NBAS: variants seen among roughly 807,000 people sequenced by gnomAD.
The protein encoded by NBAS is NBAS subunit of NRZ tethering complex.
NBAS carries 219 observed loss-of-function variants against 302.5 expected under a neutral mutation model. That is an observed-to-expected ratio of 0.72 (90% CI 0.65 to 0.81). NBAS has a LOEUF of 0.81. NBAS is among the 30% of genes least tolerant of loss of function. The pLI is 0.00. For missense variants in NBAS, 2,932 were observed against 2,841.6 expected (o/e 1.03, Z -0.72); for synonymous variants, 1,118 against 1,021.6 (o/e 1.09, Z -1.80).
At chr2:15,245,355 G>A (rs1668045451) in intron 44 of NBAS, among the ~76,000 whole-genome samples, 1 of 152,032 alleles carries the variant, frequency 6.6e-6, no homozygotes, top group African/African-American at 2.4e-5. Flanking sequence ...TACTTGGAAT[G>A]TTCTCCCAGG....
At chr2:15,317,175 A>ATTTCCTT (rs1671554140) in intron 38 of NBAS, among the ~76,000 whole-genome samples, 1 of 152,246 alleles carries the variant, frequency 6.6e-6, no homozygotes, top group African/African-American at 2.4e-5. Flanking sequence ...TAGAAGGAAA[A>ATTTCCTT]CTAACAAACA....
chr2:15,078,357 G>A, the NBAS span, among the ~76,000 whole-genome samples: 1 of 150,820 alleles, frequency 6.6e-6, no homozygotes, highest in African/African-American at 2.5e-5. Flanking sequence ...CACAACAGAG[G>A]TCTCCCTAGT....
At chr2:14,991,640 C>T in the NBAS span, among the ~76,000 whole-genome samples, 5 of 152,162 alleles carry the variant, frequency 3.3e-5, no homozygotes, top group African/African-American at 1.2e-4. Flanking sequence ...ACGCAGGGAG[C>T]CTTTTAAAAC....
At chr2:15,345,574 T>C (rs552782751) in intron 35 of NBAS, among the ~76,000 whole-genome samples, 2 of 152,282 alleles carry the variant, frequency 1.3e-5, no homozygotes, top group African/African-American at 2.4e-5. Context: ...AAAGTGGCCA[T>C]AGTGCCCAAA....
At chr2:14,783,872 T>C in the NBAS span, among the ~76,000 whole-genome samples, 1 of 150,424 alleles carries the variant, frequency 6.6e-6, no homozygotes, top group Non-Finnish European at 1.5e-5. Flanking sequence ...TATTTCTAGT[T>C]CTAGATCCCT....
At chr2:15,094,215 G>T in the NBAS span, among the ~76,000 whole-genome samples, 1 of 152,280 alleles carries the variant, frequency 6.6e-6, no homozygotes, top group African/African-American at 2.4e-5. Context: ...GCCCTCACTG[G>T]CTATTAAGGT....
chr2:15,398,233 T>C (rs1339855318), intron 26 of NBAS, among the ~76,000 whole-genome samples: 1 of 152,102 alleles, frequency 6.6e-6, no homozygotes, highest in Non-Finnish European at 1.5e-5. Flanking sequence ...AACCTCTGTG[T>C]CCTGGGCTCA....
chr2:15,234,527 G>A lies in NBAS; in HGVS notation c.6146+18C>T, dbSNP rs762416755. Reference sequence around the variant, plus strand: ...AGTGTCACCCCAGTTTTTCCACAATGACCACTTTCTAGCTTACCTCAATGC... The same window carrying A: ...AGTGTCACCCCAGTTTTTCCACAATAACCACTTTCTAGCTTACCTCAATGC... On this transcript the variant is annotated intron_variant, in intron 46 of 51. Transcript: ENST00000281513. 6.2e-7 allele frequency: 1 copy of A among 1,611,620 alleles called. No homozygotes were observed. The highest frequency in any genetic ancestry group is 8.5e-7 in the Non-Finnish European group (1 of 1,179,402).
At chr2:15,530,140 T>A (rs188623735) in intron 9 of NBAS, among the ~76,000 whole-genome samples, 115 of 152,280 alleles carry the variant, frequency 7.6e-4, no homozygotes, top group African/African-American at 2.5e-3. Flanking sequence ...AACTAACTCT[T>A]AAACACAGGA....
the NBAS span, among the ~76,000 whole-genome samples, chr2:14,892,290 G>A: frequency 7.2e-5 from 11 of 152,186 alleles, no homozygotes; most frequent in Middle Eastern, 3.4e-3. Flanking sequence ...ACAGGAGGCA[G>A]CAATGATCAA....
chr2:15,293,143 C>G (rs1179840885), intron 40 of NBAS, among the ~76,000 whole-genome samples: 1 of 152,214 alleles, frequency 6.6e-6, no homozygotes, highest in East Asian at 1.9e-4. Context: ...AAGTAATTTT[C>G]ATCGCCATTG....
chr2:15,402,315 A>C lies in NBAS; in HGVS notation c.2938-14T>G. On this transcript the variant is annotated splice_polypyrimidine_tract_variant and intron_variant, in intron 25 of 51. Coordinates refer to ENST00000281513, the MANE Select transcript of NBAS (RefSeq NM_015909.4). Reference sequence around the variant, plus strand: ...TTTTTGCTGCAGCTACAGAAAATAAAGTATGTTGTACTAAATGTCAACAGA... The same window carrying C: ...TTTTTGCTGCAGCTACAGAAAATAACGTATGTTGTACTAAATGTCAACAGA... 7.4e-6 allele frequency: 12 copies of C among 1,613,076 alleles called. No homozygotes were observed. The highest frequency in any genetic ancestry group is 1.7e-4 in the Middle Eastern group (1 of 6,014).
At chr2:15,174,713 G>C (rs901798427) in intron 51 of NBAS, among the ~76,000 whole-genome samples, 1 of 152,186 alleles carries the variant, frequency 6.6e-6, no homozygotes, top group Non-Finnish European at 1.5e-5. Context: ...AAAAGCAGAA[G>C]CATGGTGGGG....
chr2:15,040,016 T>A, the NBAS span, among the ~76,000 whole-genome samples: 2 of 152,138 alleles, frequency 1.3e-5, no homozygotes, highest in Non-Finnish European at 2.9e-5. Context: ...CCAGAGAGAA[T>A]GACAGCTCAG....
the NBAS span, among the ~76,000 whole-genome samples, chr2:15,047,674 GCAGGTAAAAGCTGGGATTATA>G: frequency 6.6e-6 from 1 of 152,128 alleles, no homozygotes; most frequent in Non-Finnish European, 1.5e-5. Context: ...CTGGGCTCAT[GCAGGTAAAAGCTGGGATTATA>G]CAGGTAAAGG....
At chr2:14,873,069 G>C in the NBAS span, among the ~76,000 whole-genome samples, 1 of 152,236 alleles carries the variant, frequency 6.6e-6, no homozygotes, top group East Asian at 1.9e-4. Flanking sequence ...GCTAGCTCGG[G>C]TGGACTGCGT....
At chr2:14,846,659 A>G in the NBAS span, among the ~76,000 whole-genome samples, 5 of 152,100 alleles carry the variant, frequency 3.3e-5, no homozygotes, top group Non-Finnish European at 7.4e-5. Context: ...AAATAGAAAC[A>G]AAAAAGTTGA....
At chr2:14,883,262 C>A in the NBAS span, among the ~76,000 whole-genome samples, 1 of 152,132 alleles carries the variant, frequency 6.6e-6, no homozygotes, top group South Asian at 2.1e-4. Flanking sequence ...CTCCGAAAAG[C>A]ATCTTCATAT....
chr2:15,510,812 T>A (rs1174523746), intron 10 of NBAS, among the ~76,000 whole-genome samples: 1 of 152,106 alleles, frequency 6.6e-6, no homozygotes, highest in African/African-American at 2.4e-5. Flanking sequence ...TACCACCTCA[T>A]CAACAGACTC....
Sources: allele counts gnomAD v4.1 joint callset (sites outside exome capture counted in the v4.1 genomes callset), GRCh38; gene constraint gnomAD v4.1.1; transcripts MANE v1.5; gene names NCBI Gene and HGNC (gene_info 2026-07-23, HGNC 2026-07-21).